TTC27: variants seen among roughly 807,000 people sequenced by gnomAD.
The protein encoded by TTC27 is tetratricopeptide repeat domain 27.
In TTC27, 79 loss-of-function variants were observed where a neutral mutation model predicts 115.9. The ratio of observed to expected loss-of-function variants is 0.68; its 90% CI spans 0.57 to 0.82. The LOEUF (loss-of-function observed/expected upper bound fraction) is 0.82, where lower values mean the gene tolerates loss of function less well. Among genes scored for constraint, TTC27 ranks in the 40% least tolerant of loss-of-function variants. TTC27 has a pLI of 0.00. For missense variants in TTC27, 1,054 were observed against 993.1 expected (o/e 1.06, Z -0.82); for synonymous variants, 401 against 356.0 (o/e 1.13, Z -1.42).
rs142154085 is a variant in TTC27 at position 32,799,081 on chromosome 2, A to G, written c.1998+11932A>G. Among the ~76,000 whole-genome samples the G allele has an allele frequency of 2.0e-3, 304 of 152,334 alleles. 1 individual carries two copies. Among genetic ancestry groups the G allele is most frequent in the African/African-American group, 6.4e-3 (268 of 41,584 alleles). ...AAGGAAGGAAATTGTGACACATGCT[A>G]CAAAATGGATGAACCTGGAGGAGGT... On this transcript the variant is annotated intron_variant, in intron 16 of 19. Coordinates refer to ENST00000317907, the MANE Select transcript of TTC27 (RefSeq NM_017735.5).
At chr2:32,632,230 C>T (rs1337404001) in intron 2 of TTC27, among the ~76,000 whole-genome samples, 3 of 147,270 alleles carry the variant, frequency 2.0e-5, no homozygotes, top group Middle Eastern at 3.5e-3. Context: ...AGGCTGGTCT[C>T]GAACTCCTGG....
chr2:32,666,261 A>G (rs970155003), intron 6 of TTC27, among the ~76,000 whole-genome samples: 1 of 152,134 alleles, frequency 6.6e-6, no homozygotes, highest in African/African-American at 2.4e-5. Context: ...AAGCCCTGTG[A>G]TCATGAACAA....
At chr2:32,767,143 G>A (rs1018911152) in intron 13 of TTC27, among the ~76,000 whole-genome samples, 3 of 151,988 alleles carry the variant, frequency 2.0e-5, no homozygotes, top group African/African-American at 7.3e-5. Flanking sequence ...AACATTTTGA[G>A]TATATTTGTC....
chr2:32,763,787 A>G (rs1381315507), intron 13 of TTC27, among the ~76,000 whole-genome samples: 1 of 152,198 alleles, frequency 6.6e-6, no homozygotes, highest in South Asian at 2.1e-4. Flanking sequence ...GTTCACTTAT[A>G]CCCACTTGTT....
At position 32,811,057 on chromosome 2, in the gene TTC27, G is replaced by A. The variant is rs897371682; in HGVS notation, c.2032G>A (p.Gly678Arg). 17 of 1,614,114 alleles carry A rather than the reference G, an allele frequency of 1.1e-5. No individual in the cohort carries two copies. The highest frequency in any genetic ancestry group is 1.7e-5 in the Admixed American group (1 of 60,026). Reference protein sequence around the residue: ...LKILVRAVIDGMTDRSGDVAT... With the variant: ...LKILVRAVIDRMTDRSGDVAT... ...AATTCTAGTCAGGGCAGTGATTGAT[G>A]GGATGACTGATCGAAGTGGAGATGT... Residue 678 changes from glycine (G) to arginine (R), a missense_variant, in exon 17 of 20, where the codon GGG becomes AGG. By Grantham distance (125) the Gly-to-Arg change is moderately radical (BLOSUM62 -2). Transcript: ENST00000317907.
intron 5 of TTC27, among the ~76,000 whole-genome samples, chr2:32,655,019 C>T (rs1447679487): frequency 4.8e-5 from 7 of 147,356 alleles, no homozygotes; most frequent in Non-Finnish European, 8.9e-5. Context: ...GACAGAGTTT[C>T]ACTCTGTCAC....
Position 32,678,870 on chromosome 2 carries a change from A to C in TTC27, c.1067A>C (p.Lys356Thr), listed in dbSNP as rs1666322051. Residue 356 changes from lysine to threonine, a missense_variant, in exon 9 of 20, where the codon AAG becomes ACG. Lys to Thr is a moderately conservative substitution (Grantham distance 78). Coordinates refer to ENST00000317907, the MANE Select transcript of TTC27 (RefSeq NM_017735.5). Reference protein sequence around the residue: ...IILGICTNFQKNNPVHTLTEV... With the variant: ...IILGICTNFQTNNPVHTLTEV... ...TTAATTTAAAGCACTAATTTTCAAA[A>C]GAATAACCCAGTGCACACATTAACT... 1.9e-6 allele frequency: 3 copies of C among 1,609,272 alleles called. No individual in the cohort carries two copies. The African/African-American group carries it at 4.0e-5, about 21-fold the overall frequency.
intron 19 of TTC27, among the ~76,000 whole-genome samples, chr2:32,820,421 T>A (rs1217502810): frequency 6.6e-6 from 1 of 152,210 alleles, no homozygotes; most frequent in Non-Finnish European, 1.5e-5. Flanking sequence ...TTCAAGTAAG[T>A]AGCATAAAGG....
intron 16 of TTC27, among the ~76,000 whole-genome samples, chr2:32,806,941 G>A (rs1162415590): frequency 6.6e-6 from 1 of 152,108 alleles, no homozygotes; most frequent in Non-Finnish European, 1.5e-5. Flanking sequence ...TTGAAATGTA[G>A]TGTACATACA....
intron 16 of TTC27, 22 bp downstream of exon 16, chr2:32,787,171 A>G: frequency 6.3e-7 from 1 of 1,595,878 alleles, no homozygotes; most frequent in East Asian, 2.2e-5. Flanking sequence ...CTATTCCGTT[A>G]TTTCAGTTTG....
At chr2:32,673,376 C>T (rs1429625001) in intron 8 of TTC27, among the ~76,000 whole-genome samples, 1 of 152,106 alleles carries the variant, frequency 6.6e-6, no homozygotes, top group East Asian at 1.9e-4. Context: ...AGGCGCACAC[C>T]ACCATGCCCG....
At chr2:32,775,727 A>C (rs1669975978) in intron 13 of TTC27, among the ~76,000 whole-genome samples, 1 of 152,200 alleles carries the variant, frequency 6.6e-6, no homozygotes, top group Non-Finnish European at 1.5e-5. Flanking sequence ...TGTATAGAAA[A>C]AAAAATGTTG....
intron 4 of TTC27, among the ~76,000 whole-genome samples, chr2:32,645,622 A>T (rs1397534425): frequency 6.6e-6 from 1 of 152,120 alleles, no homozygotes; most frequent in Non-Finnish European, 1.5e-5. Flanking sequence ...ATATGTATAC[A>T]TGTGCCATGT....
chr2:32,798,421 T>C (rs534429252), intron 16 of TTC27, among the ~76,000 whole-genome samples: 2 of 76,580 alleles, frequency 2.6e-5, no homozygotes, highest in East Asian at 8.2e-4. Context: ...AGAAAGAAAA[T>C]GGCTGGGCGC....
intron 8 of TTC27, among the ~76,000 whole-genome samples, chr2:32,675,583 T>G (rs1017247190): frequency 6.6e-6 from 1 of 152,218 alleles, no homozygotes; most frequent in Non-Finnish European, 1.5e-5. Context: ...GTGCATCTGA[T>G]GCAGTTTATA....
At chr2:32,683,317 G>T (rs2034595) in intron 9 of TTC27, among the ~76,000 whole-genome samples, 45,383 of 151,894 alleles carry the variant, frequency 0.3, 7,336 homozygotes, top group Non-Finnish European at 0.36. Flanking sequence ...CCTACCAGAA[G>T]TCTGTAAGCA....
intron 13 of TTC27, among the ~76,000 whole-genome samples, chr2:32,766,247 C>A (rs983284472): frequency 1.3e-5 from 2 of 152,132 alleles, no homozygotes; most frequent in African/African-American, 2.4e-5. Flanking sequence ...GTATTATGAT[C>A]AAATCAGGGT....
chr2:32,690,785 G>A (rs1666783578), intron 9 of TTC27, among the ~76,000 whole-genome samples: 1 of 152,158 alleles, frequency 6.6e-6, no homozygotes, highest in African/African-American at 2.4e-5. Flanking sequence ...GATTAAACTT[G>A]GAATTTTAAA....
At chr2:32,639,174 G>A (rs1664543448) in intron 3 of TTC27, among the ~76,000 whole-genome samples, 1 of 152,104 alleles carries the variant, frequency 6.6e-6, no homozygotes, top group South Asian at 2.1e-4. Context: ...GGCTTCATCA[G>A]GAAAACAATT....
Sources: gnomAD v4.1 joint callset for allele counts (sites outside exome capture counted in the v4.1 genomes callset) on GRCh38, gnomAD v4.1.1 for gene constraint, MANE v1.5 for transcripts, NCBI Gene and HGNC (gene_info 2026-07-23, HGNC 2026-07-21) for gene names.